Variants in RTL4 observed in about 807,000 individuals in gnomAD.
RTL4 encodes the protein retrotransposon Gag-like protein 4.
RTL4 carries 4 observed loss-of-function variants against 5.3 expected under a neutral mutation model. The observed-to-expected ratio is 0.75, with a 90% CI of 0.37 to 1.72. The LOEUF is 1.72. RTL4 is among the 40% of genes most tolerant of loss of function. The pLI is 0.04. For missense variants in RTL4, 260 were observed against 227.1 expected, an observed-to-expected ratio of 1.14 and a Z score of -0.93; for synonymous variants, 98 against 87.3, an observed-to-expected ratio of 1.12 and a Z score of -0.68.
At chrX:112,411,769 A>G in the RTL4 span, among the ~76,000 whole-genome samples, 1 of 111,306 alleles carries the variant, frequency 9.0e-6, no homozygotes, top group Non-Finnish European at 1.9e-5. Context: ...GAAAATCTGA[A>G]AGCCTTTCTT....
the RTL4 span, among the ~76,000 whole-genome samples, chrX:112,289,221 G>A: frequency 8.9e-6 from 1 of 111,796 alleles, no homozygotes; most frequent in Non-Finnish European, 1.9e-5. Context: ...CTTTTCATGA[G>A]TTCAGCAATA....
At chrX:112,449,233 G>A in the RTL4 span, among the ~76,000 whole-genome samples, 1 of 111,198 alleles carries the variant, frequency 9.0e-6, no homozygotes, top group Non-Finnish European at 1.9e-5. Flanking sequence ...CTTTCCAGAA[G>A]GACCCACAGA....
the RTL4 span, among the ~76,000 whole-genome samples, chrX:112,109,257 T>A: frequency 2.7e-5 from 3 of 111,646 alleles, no homozygotes; most frequent in South Asian, 1.2e-3. Context: ...TTCCTTCCAG[T>A]GGATTCTTGG....
the RTL4 span, among the ~76,000 whole-genome samples, chrX:112,305,179 C>CTT: frequency 1.4e-4 from 14 of 98,547 alleles, no homozygotes; most frequent in African/African-American, 5.2e-4. Flanking sequence ...TTTTTTTTGT[C>CTT]TTTTTTTTTT....
the RTL4 span, among the ~76,000 whole-genome samples, chrX:112,225,239 T>C: frequency 9.0e-6 from 1 of 111,667 alleles, no homozygotes; most frequent in Non-Finnish European, 1.9e-5. Flanking sequence ...TTTTCAAGAC[T>C]AAACCTTGGT....
chrX:112,087,387 G>A, the RTL4 span, among the ~76,000 whole-genome samples: 1 of 103,093 alleles, frequency 9.7e-6, no homozygotes, highest in Non-Finnish European at 2.0e-5. Flanking sequence ...TTAATGAAAA[G>A]AGTTCAAGCA....
chrX:112,097,886 A>G, the RTL4 span, among the ~76,000 whole-genome samples: 4 of 111,120 alleles, frequency 3.6e-5, no homozygotes, highest in Admixed American at 2.9e-4. Flanking sequence ...CTTTTTTTCA[A>G]TTTGGCCCTG....
chrX:112,303,238 T>A, the RTL4 span, among the ~76,000 whole-genome samples: 3 of 111,751 alleles, frequency 2.7e-5, no homozygotes, highest in African/African-American at 9.8e-5. Flanking sequence ...TGTAAATGAT[T>A]GTATACCAAA....
the RTL4 span, among the ~76,000 whole-genome samples, chrX:112,292,650 T>G: frequency 9.0e-6 from 1 of 111,671 alleles, no homozygotes; most frequent in Non-Finnish European, 1.9e-5. Context: ...AAAAATTCCA[T>G]GTACTGAAAT....
chrX:112,246,602 C>T, the RTL4 span, among the ~76,000 whole-genome samples: 4 of 111,516 alleles, frequency 3.6e-5, no homozygotes, highest in African/African-American at 6.5e-5. Context: ...GTCAGTGTCC[C>T]GATTTTCCAG....
chrX:112,352,986 A>G, the RTL4 span, among the ~76,000 whole-genome samples: 192 of 111,588 alleles, frequency 1.7e-3, no homozygotes, highest in African/African-American at 5.9e-3. Context: ...AATTTACAAG[A>G]AAAAAAACAA....
the RTL4 span, among the ~76,000 whole-genome samples, chrX:112,355,540 C>A: frequency 9.0e-6 from 1 of 111,476 alleles, no homozygotes; most frequent in East Asian, 2.9e-4. Flanking sequence ...ACTTTTCTTT[C>A]ATGCCAACAA....
the RTL4 span, among the ~76,000 whole-genome samples, chrX:112,302,177 C>T: frequency 6.6e-5 from 7 of 105,382 alleles, no homozygotes; most frequent in South Asian, 4.3e-4. Context: ...AGGAGAATGG[C>T]GTGAACCCAG....
At chrX:112,125,116 G>A in the RTL4 span, among the ~76,000 whole-genome samples, 1 of 107,661 alleles carries the variant, frequency 9.3e-6, no homozygotes, top group African/African-American at 3.4e-5. Flanking sequence ...ATATTGGTCA[G>A]GCTGGTCTCG....
chrX:112,204,608 C>T, the RTL4 span, among the ~76,000 whole-genome samples: 1 of 111,100 alleles, frequency 9.0e-6, no homozygotes, highest in African/African-American at 3.3e-5. Flanking sequence ...TCTTTGGGAA[C>T]TAAAAATCAA....
At chrX:112,215,211 A>T in the RTL4 span, among the ~76,000 whole-genome samples, 3 of 111,943 alleles carry the variant, frequency 2.7e-5, no homozygotes, top group African/African-American at 9.7e-5. Flanking sequence ...TAGTGATCAA[A>T]TCAGGGTAAT....
At chrX:112,093,903 T>C in the RTL4 span, among the ~76,000 whole-genome samples, 1 of 111,829 alleles carries the variant, frequency 8.9e-6, no homozygotes, top group African/African-American at 3.2e-5. Context: ...ACATAGATTC[T>C]ACAGAGAAAG....
the RTL4 span, among the ~76,000 whole-genome samples, chrX:112,248,078 C>T: frequency 1.8e-5 from 2 of 112,389 alleles, no homozygotes; most frequent in Non-Finnish European, 3.8e-5. Flanking sequence ...TAACTTTGTA[C>T]TACAGTTGGC....
chrX:112,192,337 A>AGTC, the RTL4 span, among the ~76,000 whole-genome samples: 132 of 110,660 alleles, frequency 1.2e-3, no homozygotes, highest in African/African-American at 4.3e-3. Context: ...TCTTATTTCC[A>AGTC]ATCTTAGGGG....
Sources: gnomAD v4.1 joint callset for allele counts (sites outside exome capture counted in the v4.1 genomes callset) on GRCh38, gnomAD v4.1.1 for gene constraint, MANE v1.5 for transcripts, NCBI Gene and HGNC (gene_info 2026-07-23, HGNC 2026-07-21) for gene names.